The following UBA2 variants were observed in gnomAD, a reference collection of about 807,000 sequenced individuals.
UBA2 encodes ubiquitin like modifier activating enzyme 2, also known as SUMO-activating enzyme subunit 2.
Under a neutral mutation model 77.2 loss-of-function variants are expected in UBA2, and 11 were observed. That is an observed-to-expected ratio of 0.14 (90% CI 0.09 to 0.24). The LOEUF is 0.24. Among genes scored for constraint, UBA2 ranks in the 10% least tolerant of loss-of-function variants. The pLI, the probability that UBA2 is intolerant of heterozygous loss-of-function variation, is 1.00. For missense variants in UBA2, 487 were observed against 781.7 expected (o/e 0.62, Z 4.50); for synonymous variants, 278 against 276.7 (o/e 1.00, Z -0.05).
intron 6 of UBA2, among the ~76,000 whole-genome samples, chr19:34,439,620 A>G (rs2075346558): frequency 6.6e-6 from 1 of 152,168 alleles, no homozygotes; most frequent in Non-Finnish European, 1.5e-5. Flanking sequence ...CCTTGAGCCC[A>G]GGAGTTTGAG....
chr19:34,440,462 T>C (rs2075356861), intron 6 of UBA2, among the ~76,000 whole-genome samples: 1 of 152,232 alleles, frequency 6.6e-6, no homozygotes, highest in Non-Finnish European at 1.5e-5. Context: ...TATATTGTAA[T>C]ATTAGCTAAA....
intron 8 of UBA2, among the ~76,000 whole-genome samples, chr19:34,449,467 G>T (rs11084766): frequency 0.65 from 99,587 of 152,052 alleles, 36,249 homozygotes; most frequent in Non-Finnish European, 0.82. Flanking sequence ...TGCTCAGTTA[G>T]TATTGATGGA....
At chr19:34,461,971 C>T (rs1179909649) in intron 14 of UBA2, among the ~76,000 whole-genome samples, 1 of 152,156 alleles carries the variant, frequency 6.6e-6, no homozygotes. Flanking sequence ...ACAGAATGAA[C>T]ATCTGTCTAC....
intron 14 of UBA2, among the ~76,000 whole-genome samples, chr19:34,462,599 G>A (rs1029981694): frequency 7.2e-5 from 11 of 151,886 alleles, no homozygotes; most frequent in African/African-American, 1.5e-4. Context: ...CGTTCTAAGC[G>A]TTTTCCTTAT....
intron 12 of UBA2, among the ~76,000 whole-genome samples, chr19:34,457,769 C>T (rs1042102986): frequency 1.3e-5 from 2 of 152,196 alleles, no homozygotes; most frequent in African/African-American, 4.8e-5. Context: ...AGCTTCTTGT[C>T]TTCTGACATT....
At chr19:34,451,032 G>T (rs977700552) in intron 9 of UBA2, among the ~76,000 whole-genome samples, 15 of 151,994 alleles carry the variant, frequency 9.9e-5, no homozygotes, top group South Asian at 2.1e-4. Flanking sequence ...TTGCTATGTT[G>T]CCCAGATTAG....
In UBA2 at chr19:34,430,611, C is replaced by T. The variant is rs568463331; in HGVS notation, c.174C>T (p.Asn58=). ...DLDTIDVSNL[N]RQFLFQKKHV... is the part of the protein sequence containing the mutation. ...ATACTATTGATGTAAGCAACCTCAA[C>T]AGACAGTTTTTGTTTCAAAAGAAAC... The change falls in exon 2 of 17, where the codon AAC becomes AAT. Residue 58 remains asparagine, a synonymous_variant. Transcript: ENST00000246548. 6.2e-7 allele frequency: 1 copy of T among 1,613,862 alleles called. No individual in the cohort carries two copies. Among genetic ancestry groups the T allele is most frequent in the South Asian group, 1.1e-5 (1 of 91,070 alleles).
chr19:34,464,301 A>C (rs1184626104), intron 15 of UBA2, among the ~76,000 whole-genome samples, 170 bp downstream of exon 15: 1 of 152,132 alleles, frequency 6.6e-6, no homozygotes, highest in Non-Finnish European at 1.5e-5. Context: ...CTACAGAAAA[A>C]TTTGAGGATT....
At chr19:34,462,530 A>G (rs2075642390) in intron 14 of UBA2, among the ~76,000 whole-genome samples, 1 of 152,184 alleles carries the variant, frequency 6.6e-6, no homozygotes, top group Non-Finnish European at 1.5e-5. Flanking sequence ...CAAGCAACAG[A>G]TCTGGAAAAG....
intron 15 of UBA2, among the ~76,000 whole-genome samples, chr19:34,465,714 G>A (rs995410647): frequency 2.6e-5 from 4 of 151,920 alleles, no homozygotes; most frequent in Admixed American, 2.6e-4. Flanking sequence ...AGATAATGGA[G>A]TCAAAGTGGT....
chr19:34,467,996 T>G (rs2075705481), intron 16 of UBA2, among the ~76,000 whole-genome samples: 1 of 152,212 alleles, frequency 6.6e-6, no homozygotes, highest in South Asian at 2.1e-4. Context: ...AAGTATGGAA[T>G]TTAGGCATGT....
intron 12 of UBA2, among the ~76,000 whole-genome samples, chr19:34,458,558 C>CAAAAAA (rs60349858): frequency 6.4e-4 from 39 of 60,634 alleles, no homozygotes; most frequent in African/African-American, 2.8e-3. Context: ...GACTCCGTCT[C>CAAAAAA]AAAAAAAAAA....
chr19:34,464,391 C>A (rs1220198096), intron 15 of UBA2, among the ~76,000 whole-genome samples: 1 of 151,964 alleles, frequency 6.6e-6, no homozygotes, highest in Non-Finnish European at 1.5e-5. Context: ...AACCCCGTCT[C>A]TGCTAAAAAT....
intron 14 of UBA2, among the ~76,000 whole-genome samples, chr19:34,460,973 C>G (rs1007803423): frequency 6.6e-6 from 1 of 152,110 alleles, no homozygotes; most frequent in African/African-American, 2.4e-5. Flanking sequence ...ATTCAGTGCC[C>G]GGTTTTGGCT....
chr19:34,435,414 A>C (rs1054300298), intron 5 of UBA2, among the ~76,000 whole-genome samples: 2 of 152,136 alleles, frequency 1.3e-5, no homozygotes, highest in Non-Finnish European at 2.9e-5. Context: ...CAAACTTAAA[A>C]TGCTATAAAC....
At chr19:34,437,225 G>T (rs2075318425) in intron 5 of UBA2, among the ~76,000 whole-genome samples, 1 of 151,064 alleles carries the variant, frequency 6.6e-6, no homozygotes, top group South Asian at 2.1e-4. Flanking sequence ...GCCTCCCAAA[G>T]TGCTGGGATT....
chr19:34,457,669 C>T (rs1490789966), intron 12 of UBA2, among the ~76,000 whole-genome samples: 19 of 152,118 alleles, frequency 1.2e-4, no homozygotes, highest in Admixed American at 1.2e-3. Context: ...TCTGTATTCT[C>T]AGGGGAATCC....
intron 8 of UBA2, among the ~76,000 whole-genome samples, chr19:34,446,334 A>G (rs1440021033): frequency 6.6e-6 from 1 of 152,218 alleles, no homozygotes; most frequent in Non-Finnish European, 1.5e-5. Flanking sequence ...GTTCCACATA[A>G]CCGAAAACTC....
chr19:34,456,100 C>CTTTTCT (rs2075557152), intron 12 of UBA2, among the ~76,000 whole-genome samples: 33 of 55,782 alleles, frequency 5.9e-4, no homozygotes, highest in African/African-American at 2.2e-3. Context: ...TTTTCCTTTT[C>CTTTTCT]TTTTTCTTTT....
Sources: gnomAD v4.1 joint callset for allele counts (sites outside exome capture counted in the v4.1 genomes callset) on GRCh38, gnomAD v4.1.1 for gene constraint, MANE v1.5 for transcripts, NCBI Gene and HGNC (gene_info 2026-07-23, HGNC 2026-07-21) for gene names.